Variants in ADGRG5 observed in about 807,000 individuals in gnomAD.
The protein encoded by ADGRG5 is adhesion G protein-coupled receptor G5.
In ADGRG5, 37 loss-of-function variants were observed where a neutral mutation model predicts 53.2. That is an observed-to-expected ratio of 0.70 (90% confidence interval 0.53 to 0.91). The LOEUF is 0.91. Ranked by LOEUF, ADGRG5 falls within the 40% of genes least tolerant of loss-of-function variation. ADGRG5 has a pLI of 0.00. For missense variants in ADGRG5, 614 were observed against 675.8 expected (o/e 0.91, Z 1.01); for synonymous variants, 277 against 290.4 (o/e 0.95, Z 0.47).
upstream of ADGRG5, among the ~76,000 whole-genome samples, chr16:57,539,996 T>G (rs2032466465): frequency 2.6e-5 from 4 of 152,114 alleles, no homozygotes; most frequent in South Asian, 8.3e-4. Flanking sequence ...ATCCCAGCAC[T>G]TTGGGAGGCA....
At chr16:57,537,241 G>C in the ADGRG5 span, among the ~76,000 whole-genome samples, 1 of 152,118 alleles carries the variant, frequency 6.6e-6, no homozygotes, top group African/African-American at 2.4e-5. Context: ...GGATGTTTGT[G>C]GTCTTGACTG....
chr16:57,575,935 G>A lies in ADGRG5; in HGVS notation c.*397G>A, dbSNP rs16957796. 9,063 of 175,804 alleles carry A rather than the reference G, an allele frequency of 0.052. 594 individuals are homozygous for A. The highest frequency in any genetic ancestry group is 0.34 in the East Asian group (2,320 of 6,922). 10.9% of individuals were successfully genotyped at this position (175,804 alleles called of 1,614,324 possible). A position where few individuals can be genotyped will look rare whatever the true frequency, so the allele number is the denominator to read the frequency against. On this transcript the variant is annotated 3_prime_UTR_variant, in exon 12 of 12. Coordinates refer to ENST00000349457, the MANE Select transcript of ADGRG5 (RefSeq NM_001304376.3). ...CCACAGCTGTGACATGGGGGCAAGC[G>A]GCTTTGTTTCAGCCTAACCCAGGAG...
At chr16:57,566,989 A>G (rs1031772175) in intron 7 of ADGRG5, among the ~76,000 whole-genome samples, 1 of 152,222 alleles carries the variant, frequency 6.6e-6, no homozygotes, top group African/African-American at 2.4e-5. Context: ...TTGTCCCTCA[A>G]CTGTGCTTGC....
chr16:57,559,913 A>G (rs933271295), intron 1 of ADGRG5, among the ~76,000 whole-genome samples: 1 of 152,234 alleles, frequency 6.6e-6, no homozygotes, highest in Non-Finnish European at 1.5e-5. Context: ...TATATGCATT[A>G]CATTCCATAT....
intron 3 of ADGRG5, 41 bp from the exon 4 acceptor site, chr16:57,563,050 C>T: frequency 1.2e-6 from 2 of 1,612,400 alleles, no homozygotes; most frequent in South Asian, 1.1e-5. Flanking sequence ...CCTTACCCCA[C>T]TCCGGGCTCT....
chr16:57,566,648 A>G lies in ADGRG5; in HGVS notation c.596A>G (p.Gln199Arg). 1 of 1,585,672 alleles carries G rather than the reference A, an allele frequency of 6.3e-7. No homozygotes were observed. The stretch of plus-strand genomic sequence containing the variant: ...TTCTGGAAGGAGGGAGCCAGGAAAC[A>G]GCCCTGGGGGGGCTGGAGCCCTGAG... ...CVFWKEGARK[Q>R]PWGGWSPEGC... Residue 199 changes from glutamine to arginine, a missense_variant, in exon 7 of 12, where the codon CAG (glutamine) becomes CGG (arginine). Physicochemically the swap from Gln to Arg is conservative, Grantham distance 43. Transcript: ENST00000349457.
At chr16:57,550,219 C>T (rs2032715237) in intron 1 of ADGRG5, among the ~76,000 whole-genome samples, 1 of 152,288 alleles carries the variant, frequency 6.6e-6, no homozygotes, top group East Asian at 1.9e-4. Flanking sequence ...CTTGGGTGAC[C>T]CACCCGCCTC....
chr16:57,533,141 A>T, the ADGRG5 span, among the ~76,000 whole-genome samples: 3 of 152,084 alleles, frequency 2.0e-5, no homozygotes, highest in African/African-American at 7.2e-5. Flanking sequence ...GACTCACCTC[A>T]TTCTCCTTCC....
the ADGRG5 span, among the ~76,000 whole-genome samples, chr16:57,533,561 C>T: frequency 0.016 from 2,377 of 151,518 alleles, 20 homozygotes; most frequent in Middle Eastern, 0.051. Flanking sequence ...CAGGGACCTG[C>T]ACTCACACAC....
chr16:57,542,787 C>G (rs1356795003), intron 1 of ADGRG5, 86 bp downstream of exon 1: 1 of 152,424 alleles, frequency 6.6e-6, no homozygotes, highest in Admixed American at 6.5e-5. Flanking sequence ...ACTGGCCATA[C>G]CCATGTCCAG....
At chr16:57,553,492 A>G (rs2146771315) in intron 1 of ADGRG5, among the ~76,000 whole-genome samples, 1 of 152,358 alleles carries the variant, frequency 6.6e-6, no homozygotes, top group African/African-American at 2.4e-5. Flanking sequence ...ACAAAAATCA[A>G]TATATGAACA....
At chr16:57,540,783 G>GT (rs2032477925), upstream of ADGRG5, among the ~76,000 whole-genome samples, 2 of 152,116 alleles carry the variant, frequency 1.3e-5, no homozygotes, top group Non-Finnish European at 2.9e-5. Context: ...GCCACCACTG[G>GT]TTTTTTGTTT....
At chr16:57,566,063 G>T (rs1451186472) in intron 6 of ADGRG5, 1 of 152,560 alleles carries the variant, frequency 6.6e-6, no homozygotes, top group Non-Finnish European at 1.5e-5. Flanking sequence ...AGGGTTCAGG[G>T]CCCCCACCTC....
At chr16:57,530,242 T>C in the ADGRG5 span, among the ~76,000 whole-genome samples, 1 of 152,020 alleles carries the variant, frequency 6.6e-6, no homozygotes, top group African/African-American at 2.4e-5. Context: ...CACTTCAGCC[T>C]CCCCATCGCC....
intron 1 of ADGRG5, among the ~76,000 whole-genome samples, chr16:57,548,804 AT>A (rs1365520413): frequency 1.4e-5 from 2 of 142,292 alleles, no homozygotes; most frequent in Non-Finnish European, 3.0e-5. Context: ...TTAGAAATTC[AT>A]TTTTTTAACT....
At chr16:57,554,560 T>G (rs1420194897) in intron 1 of ADGRG5, among the ~76,000 whole-genome samples, 1 of 152,074 alleles carries the variant, frequency 6.6e-6, no homozygotes, top group Non-Finnish European at 1.5e-5. Flanking sequence ...GTATTTTTAG[T>G]AGAGATGGGG....
At chr16:57,537,308 C>T in the ADGRG5 span, among the ~76,000 whole-genome samples, 70 of 152,156 alleles carry the variant, frequency 4.6e-4, no homozygotes, top group Admixed American at 3.9e-3. Context: ...CCTGGAAGGC[C>T]CCCGAGGTGA....
At chr16:57,560,768 C>T (rs115335990) in intron 1 of ADGRG5, among the ~76,000 whole-genome samples, 101 of 152,216 alleles carry the variant, frequency 6.6e-4, no homozygotes, top group Non-Finnish European at 1.3e-3. Flanking sequence ...TCACAACCAA[C>T]AAACTCTGTT....
chr16:57,570,348 C>G (rs1418512546), intron 9 of ADGRG5, 70 bp from the exon 10 acceptor site: 1 of 979,628 alleles, frequency 1.0e-6, no homozygotes, highest in African/African-American at 1.6e-5. Flanking sequence ...GTCAGCAGCC[C>G]CAGGGACCGC....
Sources: gnomAD v4.1 joint callset for allele counts (sites outside exome capture counted in the v4.1 genomes callset) on GRCh38, gnomAD v4.1.1 for gene constraint, MANE v1.5 for transcripts, NCBI Gene and HGNC (gene_info 2026-07-23, HGNC 2026-07-21) for gene names.